The following ZNF333 variants were observed in gnomAD, a reference collection of about 807,000 sequenced individuals.
ZNF333 encodes zinc finger protein 333.
In ZNF333, 61 loss-of-function variants were observed where a neutral mutation model predicts 76.1. The ratio of observed to expected loss-of-function variants is 0.80; its 90% CI spans 0.65 to 0.99. The LOEUF (loss-of-function observed/expected upper bound fraction) is 0.99, where lower values mean the gene tolerates loss of function less well. ZNF333 is among the 50% of genes least tolerant of loss of function. The pLI, the probability that ZNF333 is intolerant of heterozygous loss-of-function variation, is 0.00. For synonymous variants in ZNF333, 284 were observed against 305.0 expected (o/e 0.93, Z 0.72); for missense variants, 717 against 822.4 (o/e 0.87, Z 1.57).
exon 12 of ZNF333, chr19:14,731,430 G>T (rs8109892): frequency 0.025 from 14,024 of 553,766 alleles, 1,628 homozygotes; most frequent in African/African-American, 0.24. Context: ...CCCGCAAGGA[G>T]ACTAAGGCCT....
In ZNF333 at chr19:14,705,079, AGCTGGTG is replaced by A; in HGVS notation, c.333_339del (p.Gln111HisfsTer4). The stretch of plus-strand genomic sequence containing the variant: ...GGGCCGGGGCTGTTCCTGAGGATGC[AGCTGGTG>A]CCCTCCATAGAAGAGAGGGAGACAC... On this transcript the variant is annotated frameshift_variant, in exon 6 of 12. Coordinates refer to ENST00000292530, the MANE Select transcript of ZNF333 (RefSeq NM_032433.4). LOFTEE classifies it high-confidence loss of function. 2.5e-6 allele frequency: 4 copies of A among 1,614,062 alleles called. No homozygotes were observed. Among genetic ancestry groups the A allele is most frequent in the Non-Finnish European group, 3.4e-6 (4 of 1,179,964 alleles).
chr19:14,706,488 A>G (rs1274544209), intron 6 of ZNF333, 198 bp from the exon 7 acceptor site: 1 of 586,742 alleles, frequency 1.7e-6, no homozygotes, highest in Admixed American at 3.0e-5. Context: ...CCCTCTCTCC[A>G]GGCCATTTTG....
downstream of ZNF333, among the ~76,000 whole-genome samples, chr19:14,726,817 T>C (rs1432659771): frequency 2.6e-5 from 4 of 152,180 alleles, no homozygotes; most frequent in African/African-American, 9.7e-5. Context: ...ACCAGTATTT[T>C]GGTCACAACC....
downstream of ZNF333, among the ~76,000 whole-genome samples, chr19:14,725,948 G>A (rs1366893240): frequency 6.6e-6 from 1 of 152,168 alleles, no homozygotes; most frequent in African/African-American, 2.4e-5. Flanking sequence ...GATTCTTGTG[G>A]GGGTACGGGG....
At chr19:14,704,214 G>A (rs923912407) in intron 5 of ZNF333, among the ~76,000 whole-genome samples, 1 of 152,120 alleles carries the variant, frequency 6.6e-6, no homozygotes, top group South Asian at 2.1e-4. Context: ...CGAGACCCTC[G>A]GTGGTAGCTG....
intron 11 of ZNF333, among the ~76,000 whole-genome samples, chr19:14,727,441 AAGCGGG>A (rs1447481495): frequency 6.6e-6 from 1 of 152,174 alleles, no homozygotes; most frequent in Non-Finnish European, 1.5e-5. Context: ...GCAGAAAGCA[AAGCGGG>A]AGCAGGCACA....
chr19:14,713,765 C>T (rs2042344061), intron 7 of ZNF333, among the ~76,000 whole-genome samples: 1 of 151,644 alleles, frequency 6.6e-6, no homozygotes, highest in Non-Finnish European at 1.5e-5. Context: ...CAAGGCTAGC[C>T]TGGGCAACAT....
At position 14,695,798 on chromosome 19, in the gene ZNF333, C is replaced by T. The variant is rs1973135956; in HGVS notation, c.223+137C>T. On this transcript the variant is annotated intron_variant, in intron 4 of 11. Coordinates refer to ENST00000292530, the MANE Select transcript of ZNF333 (RefSeq NM_032433.4). ...CATTCGGAGTGAGGTTTCTCAAGTT[C>T]CTTTAGCTTCTCTTCTATTTTCACT... 10 of 680,734 alleles carry T rather than the reference C, an allele frequency of 1.5e-5. No individual in the cohort carries two copies. The South Asian group carries it at 1.7e-4, about 12-fold the overall frequency. 42.2% of individuals were successfully genotyped at this position (680,734 alleles called of 1,614,324 possible).
rs574807219 is a variant in ZNF333 at position 14,716,383 on chromosome 19, C to T, written c.727+145C>T. The T allele has an allele frequency of 1.5e-5, 14 of 925,356 alleles. 1 individual carries two copies. The highest frequency in any genetic ancestry group is 1.5e-4 in the Admixed American group (5 of 34,430). The allele number at this position is 925,356 out of a possible 1,614,324, so 57.3% of individuals were successfully genotyped here. A position where few individuals can be genotyped will look rare whatever the true frequency, so the allele number is the denominator to read the frequency against. On this transcript the variant is annotated intron_variant, in intron 9 of 11. Transcript: ENST00000292530. The stretch of plus-strand genomic sequence containing the variant: ...AGGTGATCCTCCCACCCCAGCCTCC[C>T]GAGTAGCTGGGACCACAGGGTGCAT...
At chr19:14,715,323 CTG>C in intron 7 of ZNF333, 57 bp from the exon 8 acceptor site, 1 of 1,526,528 alleles carries the variant, frequency 6.6e-7, no homozygotes, top group South Asian at 1.1e-5. Context: ...GACTTGGGGC[CTG>C]TGAGTGTGCC....
downstream of ZNF333, among the ~76,000 whole-genome samples, chr19:14,723,384 A>G (rs757823974): frequency 6.6e-6 from 1 of 152,190 alleles, no homozygotes; most frequent in Non-Finnish European, 1.5e-5. Flanking sequence ...TTCTTTTTCA[A>G]GATGGTTTTG....
intron 1 of ZNF333, among the ~76,000 whole-genome samples, chr19:14,693,027 A>G (rs374771693): frequency 6.6e-6 from 1 of 152,078 alleles, no homozygotes; most frequent in Non-Finnish European, 1.5e-5. Flanking sequence ...GGGTTTCACC[A>G]TATTGGCCAG....
intron 7 of ZNF333, 198 bp downstream of exon 7, chr19:14,706,971 A>G (rs970224287): frequency 2.9e-4 from 150 of 521,428 alleles, no homozygotes; most frequent in African/African-American, 2.8e-3. Context: ...ATCTTTAAGA[A>G]AGAGAGGGCT....
chr19:14,705,182 A>G lies in ZNF333; in HGVS notation c.423+12A>G. The G allele has an allele frequency of 6.2e-7, 1 of 1,610,344 alleles. No homozygotes were observed. The highest frequency in any genetic ancestry group is 2.2e-5 in the East Asian group (1 of 44,750). ...CTCTGGGATGCACGGTAAGCCTGGG[A>G]GAGGTTCACTGTGATGGCACCAGGT... On this transcript the variant is annotated intron_variant, in intron 6 of 11. Transcript: ENST00000292530.
intron 7 of ZNF333, chr19:14,709,305 G>T (rs1398815412): frequency 6.6e-6 from 1 of 152,210 alleles, no homozygotes; most frequent in African/African-American, 2.4e-5. Flanking sequence ...AATACGTCTT[G>T]TGAGTACACC....
intron 5 of ZNF333, among the ~76,000 whole-genome samples, chr19:14,700,569 C>T (rs1973602705): frequency 6.6e-6 from 1 of 152,176 alleles, no homozygotes; most frequent in Admixed American, 6.6e-5. Flanking sequence ...TCCATATGAG[C>T]TTGTACATTA....
Position 14,720,159 on chromosome 19 carries a change from CTGGGCAACAGAGTGAAACTCTG to C in ZNF333, c.*836_*857del, listed in dbSNP as rs1303049937. ...CGAGATTGCGCCACTGCACTCCAGC[CTGGGCAACAGAGTGAAACTCTG>C]TCTCAAAAATAATAATAATAAAAAA... On this transcript the variant is annotated 3_prime_UTR_variant, in exon 12 of 12. Transcript: ENST00000292530. 5.7e-5 allele frequency: 55 copies of C among 969,232 alleles called. No homozygotes were observed. Among genetic ancestry groups the C allele is most frequent in the Middle Eastern group, 1.1e-3 (2 of 1,898 alleles). The allele number at this position is 969,232 out of a possible 1,614,324, so 60.0% of individuals were successfully genotyped here. A position where few individuals can be genotyped will look rare whatever the true frequency, so the allele number is the denominator to read the frequency against.
Position 14,713,576 on chromosome 19 carries a change from C to T in ZNF333, c.512-1806C>T, listed in dbSNP as rs80151735. ...AAGAGGAGGGCCTGCAACCTGTGGA[C>T]GCCAGCAACATGTTGGAGAAGAAGC... On this transcript the variant is annotated intron_variant, in intron 7 of 11. Coordinates refer to ENST00000292530, the MANE Select transcript of ZNF333 (RefSeq NM_032433.4). Among the ~76,000 whole-genome samples the T allele has an allele frequency of 5.7e-3, 873 of 152,092 alleles. 3 individuals are homozygous for T. Among genetic ancestry groups the T allele is most frequent in the African/African-American group, 0.02 (823 of 41,496 alleles).
chr19:14,695,540 G>C, intron 3 of ZNF333, 26 bp from the exon 4 acceptor site: 11 of 1,609,428 alleles, frequency 6.8e-6, no homozygotes, highest in Non-Finnish European at 9.4e-6. Context: ...CTCTCTCTCA[G>C]TGCCTGTGTC....
Sources: gnomAD v4.1 joint callset for allele counts (sites outside exome capture counted in the v4.1 genomes callset) on GRCh38, gnomAD v4.1.1 for gene constraint, MANE v1.5 for transcripts, NCBI Gene and HGNC (gene_info 2026-07-23, HGNC 2026-07-21) for gene names.